Variants in VWC2L observed in about 807,000 individuals in gnomAD.
The protein encoded by VWC2L is von Willebrand factor C domain containing 2 like.
Under a neutral mutation model 21.6 loss-of-function variants are expected in VWC2L, and 10 were observed. That is an observed-to-expected ratio of 0.46 (90% CI 0.29 to 0.78). The LOEUF is 0.78. Among genes scored for constraint, VWC2L ranks in the 30% least tolerant of loss-of-function variants. VWC2L has a pLI of 0.10. For synonymous variants in VWC2L, 96 were observed against 94.3 expected (o/e 1.02, Z -0.10); for missense variants, 209 against 277.1 (o/e 0.75, Z 1.74).
At chr2:214,441,530 T>C (rs1022278724) in intron 3 of VWC2L, among the ~76,000 whole-genome samples, 4 of 152,026 alleles carry the variant, frequency 2.6e-5, no homozygotes, top group Admixed American at 1.3e-4. Context: ...TTGAGAAGAG[T>C]TAAGAAAGAG....
intron 3 of VWC2L, among the ~76,000 whole-genome samples, chr2:214,471,159 G>C (rs1343141987): frequency 6.6e-6 from 1 of 152,062 alleles, no homozygotes; most frequent in Admixed American, 6.5e-5. Context: ...CACTATCCAG[G>C]TTTACCCTGC....
At chr2:214,482,739 G>A (rs1054765400) in intron 3 of VWC2L, among the ~76,000 whole-genome samples, 1 of 150,870 alleles carries the variant, frequency 6.6e-6, no homozygotes, top group Non-Finnish European at 1.5e-5. Context: ...GTTTAGCCTG[G>A]GCAACACAGT....
rs116461813 is a variant in VWC2L, at chr2:214,465,180, C to A, written c.520+28422C>A. Among the ~76,000 whole-genome samples, 314 of 152,308 alleles carry A rather than the reference C, an allele frequency of 2.1e-3. 1 individual carries two copies. The highest frequency in any genetic ancestry group is 7.0e-3 in the African/African-American group (293 of 41,572). ...GACAAAGTCCCCTTTACTCTTCCCT[C>A]TCCTTTCCTCAGGCAGAAGGAGTAT... On this transcript the variant is annotated intron_variant, in intron 3 of 3. Coordinates refer to ENST00000312504, the MANE Select transcript of VWC2L (RefSeq NM_001080500.4).
At chr2:214,505,615 TAATG>T (rs1456115590) in intron 3 of VWC2L, among the ~76,000 whole-genome samples, 2 of 152,216 alleles carry the variant, frequency 1.3e-5, no homozygotes, top group Admixed American at 1.3e-4. Context: ...GTTACATTGT[TAATG>T]AATTAAGAAA....
intron 3 of VWC2L, among the ~76,000 whole-genome samples, chr2:214,556,738 C>G (rs1233185872): frequency 6.6e-6 from 1 of 152,190 alleles, no homozygotes; most frequent in Non-Finnish European, 1.5e-5. Flanking sequence ...CCAGTAAATA[C>G]AAAATAATCC....
intron 3 of VWC2L, among the ~76,000 whole-genome samples, chr2:214,563,118 G>C (rs1006419800): frequency 6.6e-6 from 1 of 151,970 alleles, no homozygotes; most frequent in Non-Finnish European, 1.5e-5. Flanking sequence ...AATCCATCTT[G>C]AGTAAATTTT....
chr2:214,494,007 CAA>C (rs929886643), intron 3 of VWC2L, among the ~76,000 whole-genome samples: 1 of 152,180 alleles, frequency 6.6e-6, no homozygotes, highest in Non-Finnish European at 1.5e-5. Context: ...AATAAGCTAA[CAA>C]ACTAATTTGC....
At chr2:214,560,155 T>C (rs1458270527) in intron 3 of VWC2L, among the ~76,000 whole-genome samples, 2 of 152,350 alleles carry the variant, frequency 1.3e-5, no homozygotes, top group South Asian at 4.1e-4. Context: ...AGTTAGTTTA[T>C]GCATTAAAGA....
intron 3 of VWC2L, among the ~76,000 whole-genome samples, chr2:214,450,149 A>G (rs1702931906): frequency 6.6e-6 from 1 of 152,132 alleles, no homozygotes; most frequent in African/African-American, 2.4e-5. Context: ...GCGAATGGGG[A>G]AAGATGACAA....
chr2:214,445,668 A>C (rs1324413923), intron 3 of VWC2L, among the ~76,000 whole-genome samples: 1 of 151,840 alleles, frequency 6.6e-6, no homozygotes, highest in African/African-American at 2.4e-5. Context: ...TTTATATGCT[A>C]ATAGATAATT....
chr2:214,519,103 T>G (rs1689190910), intron 3 of VWC2L, among the ~76,000 whole-genome samples: 1 of 152,200 alleles, frequency 6.6e-6, no homozygotes, highest in South Asian at 2.1e-4. Flanking sequence ...ATGAAAGACA[T>G]GCTGCTTTAG....
intron 1 of VWC2L, among the ~76,000 whole-genome samples, chr2:214,412,096 G>T (rs927824191): frequency 6.6e-6 from 1 of 151,294 alleles, no homozygotes; most frequent in Admixed American, 6.6e-5. Context: ...TTACCATGCA[G>T]ATTTTAAGAT....
At chr2:214,496,229 A>G (rs774567771) in intron 3 of VWC2L, among the ~76,000 whole-genome samples, 1 of 151,912 alleles carries the variant, frequency 6.6e-6, no homozygotes, top group Non-Finnish European at 1.5e-5. Context: ...TACAATCAAA[A>G]TAAGGTATTA....
intron 3 of VWC2L, among the ~76,000 whole-genome samples, chr2:214,558,813 G>GT (rs67900409): frequency 0.26 from 37,055 of 143,892 alleles, 4,722 homozygotes; most frequent in African/African-American, 0.33. Context: ...CTATAGTTTT[G>GT]TTTTTTTTTT....
chr2:214,484,627 C>T (rs1688651734), intron 3 of VWC2L, among the ~76,000 whole-genome samples: 1 of 152,164 alleles, frequency 6.6e-6, no homozygotes, highest in Non-Finnish European at 1.5e-5. Context: ...TCTTAGGCCT[C>T]TTTATGGGCT....
intron 3 of VWC2L, among the ~76,000 whole-genome samples, chr2:214,519,407 T>C (rs549378052): frequency 6.6e-6 from 1 of 152,254 alleles, no homozygotes; most frequent in East Asian, 1.9e-4. Context: ...ATAGATCATG[T>C]CAATATAACG....
chr2:214,549,813 C>T (rs13428970), intron 3 of VWC2L, among the ~76,000 whole-genome samples: 36,868 of 152,020 alleles, frequency 0.24, 4,682 homozygotes, highest in Middle Eastern at 0.32. Context: ...TTGGCCTAGG[C>T]ATATATTTAT....
intron 3 of VWC2L, chr2:214,472,306 C>G (rs1367184385): frequency 6.6e-6 from 1 of 151,858 alleles, no homozygotes; most frequent in Non-Finnish European, 1.5e-5. Context: ...GAGTGGCTCC[C>G]CAAGGAAAAT....
At chr2:214,498,452 C>A (rs955609001) in intron 3 of VWC2L, among the ~76,000 whole-genome samples, 3 of 151,956 alleles carry the variant, frequency 2.0e-5, no homozygotes, top group Admixed American at 6.6e-5. Flanking sequence ...GTCTCTGAAG[C>A]CTTGTCTCTA....
Sources: gnomAD v4.1 joint callset for allele counts (sites outside exome capture counted in the v4.1 genomes callset) on GRCh38, gnomAD v4.1.1 for gene constraint, MANE v1.5 for transcripts, NCBI Gene and HGNC (gene_info 2026-07-23, HGNC 2026-07-21) for gene names.